Variants in MGAT5B observed in about 807,000 individuals in gnomAD.
The protein encoded by MGAT5B is N-acetylglucosaminyl-transferase Vb.
Under a neutral mutation model 95.1 loss-of-function variants are expected in MGAT5B, and 54 were observed. The ratio of observed to expected loss-of-function variants is 0.57; its 90% confidence interval spans 0.46 to 0.71. The LOEUF is 0.71. MGAT5B is among the 30% of genes least tolerant of loss of function. MGAT5B has a pLI of 0.00. For synonymous variants in MGAT5B, 464 were observed against 451.0 expected (o/e 1.03, Z -0.36); for missense variants, 935 against 1,088.6 (o/e 0.86, Z 1.99).
chr17:76,889,905 G>C lies in MGAT5B; in HGVS notation c.329+7607G>C, dbSNP rs111486260. ...CTGGGAGGGAGGTGGGACCCTTCAG[G>C]CTGCAAGTATGTCCTGTTGGCCCTG... is the stretch of plus-strand genomic sequence containing the variant. On this transcript the variant is annotated intron_variant, in intron 3 of 17. Coordinates refer to ENST00000569840, the MANE Select transcript of MGAT5B (RefSeq NM_001199172.2). This position sits in a 1 kb window ranked among gnomAD's most constrained non-coding sequence, Gnocchi z 4.4. Among the ~76,000 whole-genome samples, 1 of 152,228 alleles carries C rather than the reference G, an allele frequency of 6.6e-6. No homozygotes were observed. Among genetic ancestry groups the C allele is most frequent in the Non-Finnish European group, 1.5e-5 (1 of 68,040 alleles).
chr17:76,929,885 G>A (rs1165348240), intron 10 of MGAT5B, among the ~76,000 whole-genome samples: 2 of 152,182 alleles, frequency 1.3e-5, no homozygotes, highest in African/African-American at 4.8e-5. Context: ...TTAGCTAATT[G>A]TGTTCTAAAT....
rs1451197238 is a variant in MGAT5B at position 76,917,760 on chromosome 17, C to T, written c.1026-7206C>T. Among the ~76,000 whole-genome samples, 2 of 152,168 alleles carry T rather than the reference C, an allele frequency of 1.3e-5. No homozygotes were observed. Among genetic ancestry groups the T allele is most frequent in the Non-Finnish European group, 2.9e-5 (2 of 68,038 alleles). ...CGGATAGAATAGCAAGAGCCCCTGG[C>T]ACACAGGAGTCACCCGAGGAGCTGA... On this transcript the variant is annotated intron_variant, in intron 8 of 17. Transcript: ENST00000569840. The surrounding 1 kb of genome is among the most constrained non-coding windows in gnomAD (Gnocchi z 6.1).
rs1170916275 is a variant in MGAT5B at position 76,917,653 on chromosome 17, G to A, written c.1026-7313G>A. 6.6e-6 allele frequency among the ~76,000 whole-genome samples: 1 copy of A among 152,110 alleles called. No individual in the cohort carries two copies. The highest frequency in any genetic ancestry group is 2.4e-5 in the African/African-American group (1 of 41,424). On this transcript the variant is annotated intron_variant, in intron 8 of 17. Transcript: ENST00000569840. The surrounding 1 kb of genome is among the most constrained non-coding windows in gnomAD (Gnocchi z 6.1). Reference sequence around the variant, plus strand: ...TAGCTTTTGGCCCTCATCTCCCACTGAGACTGCTCGAGTGGGATTGACAGC... The same window carrying A: ...TAGCTTTTGGCCCTCATCTCCCACTAAGACTGCTCGAGTGGGATTGACAGC...
rs1397262564 is a variant in MGAT5B at position 76,900,943 on chromosome 17, G to A, written c.330-1612G>A. Among the ~76,000 whole-genome samples the A allele has an allele frequency of 2.0e-4, 29 of 143,236 alleles. No homozygotes were observed. The East Asian group carries it at 4.4e-3, about 22-fold the overall frequency. The allele number at this position is 143,236 out of a possible 152,430, so 94.0% of individuals were successfully genotyped here. A position where few individuals can be genotyped will look rare whatever the true frequency, so the allele number is the denominator to read the frequency against. On this transcript the variant is annotated intron_variant, in intron 3 of 17. Transcript: ENST00000569840. ...TACATGTGTGCGTGCGTGTTTGTGTGTGAGTGTGTGCGTGTGCACGCCTGT... is the reference window on the plus strand; with the variant it reads ...TACATGTGTGCGTGCGTGTTTGTGTATGAGTGTGTGCGTGTGCACGCCTGT...
rs187173900 is a variant in MGAT5B at position 76,918,991 on chromosome 17, G to A, written c.1026-5975G>A. 9.3e-3 allele frequency among the ~76,000 whole-genome samples: 1,409 copies of A among 152,314 alleles called. 10 individuals carry two copies. The highest frequency in any genetic ancestry group is 0.014 in the Non-Finnish European group (970 of 68,026). ...AGGCACAGAGAGAAATAAAACCAGG[G>A]AATTTTTAGCTTAGAAGAGACCGTG... is the stretch of plus-strand genomic sequence containing the variant. On this transcript the variant is annotated intron_variant, in intron 8 of 17. Transcript: ENST00000569840. The surrounding 1 kb of genome is among the most constrained non-coding windows in gnomAD (Gnocchi z 5.1).
intron 2 of MGAT5B, among the ~76,000 whole-genome samples, chr17:76,874,188 G>C (rs1048242195): frequency 1.3e-5 from 2 of 152,112 alleles, no homozygotes; most frequent in Non-Finnish European, 2.9e-5. Context: ...CTGGTAAATG[G>C]GGATGGTAAT....
At chr17:76,882,088 G>C in intron 2 of MGAT5B, 63 bp from the exon 3 acceptor site, 1 of 1,528,124 alleles carries the variant, frequency 6.5e-7, no homozygotes, top group Non-Finnish European at 8.9e-7. Flanking sequence ...GCCCCAGCTC[G>C]GACACCAGGT....
intron 3 of MGAT5B, among the ~76,000 whole-genome samples, chr17:76,896,494 G>A (rs1443673628): frequency 4.6e-5 from 7 of 152,204 alleles, no homozygotes; most frequent in Admixed American, 1.3e-4. Flanking sequence ...TCTCAGGAAT[G>A]GGATGACTGC....
Position 76,905,965 on chromosome 17 carries a change from G to C in MGAT5B, c.856-53G>C. ...TCCTGGCCGGTGCCCCGGGGGGGCG[G>C]GGCTCAGAGCTGCTGCTCCTCTCTG... is the stretch of plus-strand genomic sequence containing the variant. On this transcript the variant is annotated intron_variant, in intron 7 of 17. Transcript: ENST00000569840. The surrounding 1 kb of genome is among the most constrained non-coding windows in gnomAD (Gnocchi z 4.2). The C allele has an allele frequency of 6.6e-7, 1 of 1,511,914 alleles. No individual in the cohort carries two copies. Among genetic ancestry groups the C allele is most frequent in the Non-Finnish European group, 8.8e-7 (1 of 1,133,920 alleles). 93.7% of individuals were successfully genotyped at this position (1,511,914 alleles called of 1,614,324 possible).
Position 76,892,684 on chromosome 17 carries a change from G to T in MGAT5B, c.330-9871G>T, listed in dbSNP as rs114134688. ...GGGCGGGGCAGAGCCCTGGAGACCC[G>T]CATGGAGCACTGGTGTTCCTCTCCC... is the stretch of plus-strand genomic sequence containing the variant. On this transcript the variant is annotated intron_variant, in intron 3 of 17. Transcript: ENST00000569840. 2.7e-3 allele frequency among the ~76,000 whole-genome samples: 410 copies of T among 152,372 alleles called. 1 individual carries two copies. The highest frequency in any genetic ancestry group is 9.5e-3 in the African/African-American group (395 of 41,588).
At chr17:76,926,023 G>A (rs1376393363) in intron 9 of MGAT5B, among the ~76,000 whole-genome samples, 3 of 152,186 alleles carry the variant, frequency 2.0e-5, no homozygotes, top group African/African-American at 7.2e-5. Context: ...GAAGGGCCCT[G>A]TGGAGCAGAG....
intron 8 of MGAT5B, among the ~76,000 whole-genome samples, chr17:76,907,964 T>G (rs1050226631): frequency 1.2e-4 from 18 of 152,260 alleles, no homozygotes; most frequent in African/African-American, 3.9e-4. Context: ...CCTGTGGTTC[T>G]TTCGTCTTGA....
chr17:76,886,901 A>G (rs914588202), intron 3 of MGAT5B, among the ~76,000 whole-genome samples: 1 of 152,072 alleles, frequency 6.6e-6, no homozygotes, highest in East Asian at 1.9e-4. Context: ...AAAATTAGCC[A>G]GGCGTGGTGG....
In MGAT5B at chr17:76,940,688, C is replaced by T; in HGVS notation, c.1732-44C>T. On this transcript the variant is annotated intron_variant, in intron 14 of 17. Transcript: ENST00000569840. This position sits in a 1 kb window ranked among gnomAD's most constrained non-coding sequence, Gnocchi z 4.3. Reference sequence around the variant, plus strand: ...GGTACCTTTCTTTGTCCCTGTCCCACTGGCAGGCACGGGGGGCATCTGCAA... The same window carrying T: ...GGTACCTTTCTTTGTCCCTGTCCCATTGGCAGGCACGGGGGGCATCTGCAA... 1 of 1,604,734 alleles carries T rather than the reference C, an allele frequency of 6.2e-7. No individual in the cohort carries two copies. The highest frequency in any genetic ancestry group is 1.1e-5 in the South Asian group (1 of 90,666).
Position 76,870,278 on chromosome 17 carries a change from C to T in MGAT5B, c.68+1181C>T, listed in dbSNP as rs1045988393. 6.6e-6 allele frequency among the ~76,000 whole-genome samples: 1 copy of T among 152,084 alleles called. No individual in the cohort carries two copies. Among genetic ancestry groups the T allele is most frequent in the African/African-American group, 2.4e-5 (1 of 41,436 alleles). ...GGGCCGAGGAGGCAACCCCAGGGGA[C>T]GGCAGGGGTCAGGCTGGACCTCTGC... On this transcript the variant is annotated intron_variant, in intron 1 of 17. Transcript: ENST00000569840. This position sits in a 1 kb window ranked among gnomAD's most constrained non-coding sequence, Gnocchi z 5.0.
intron 8 of MGAT5B, among the ~76,000 whole-genome samples, chr17:76,910,387 G>A (rs114354682): frequency 0.012 from 1,885 of 152,328 alleles, 29 homozygotes; most frequent in African/African-American, 0.034. Flanking sequence ...GAAAAGAGGT[G>A]TATACACTCA....
intron 3 of MGAT5B, among the ~76,000 whole-genome samples, chr17:76,888,397 T>C (rs1440603437): frequency 6.6e-6 from 1 of 152,098 alleles, no homozygotes; most frequent in African/African-American, 2.4e-5. Flanking sequence ...GGCGCTCATG[T>C]TTCCAGCCGT....
chr17:76,873,073 T>C, intron 2 of MGAT5B, 110 bp downstream of exon 2: 1 of 1,171,684 alleles, frequency 8.5e-7, no homozygotes, highest in Non-Finnish European at 1.2e-6. Flanking sequence ...GCCCTGTAGG[T>C]GGATGTGAGT....
chr17:76,894,579 TGC>T (rs1967998774), intron 3 of MGAT5B, among the ~76,000 whole-genome samples: 2 of 152,088 alleles, frequency 1.3e-5, no homozygotes, highest in African/African-American at 2.4e-5. Context: ...TTTTAGGCTG[TGC>T]GCAGTGGCTC....
Sources: allele counts gnomAD v4.1 joint callset (sites outside exome capture counted in the v4.1 genomes callset), GRCh38; gene constraint gnomAD v4.1.1; non-coding constraint Gnocchi (gnomAD v3.1); transcripts MANE v1.5; gene names NCBI Gene and HGNC (gene_info 2026-07-23, HGNC 2026-07-21).